PUF60: variants seen among roughly 807,000 people sequenced by gnomAD.
PUF60 encodes poly(U) binding splicing factor 60.
In PUF60, 10 loss-of-function variants were observed where a neutral mutation model predicts 61.8. That is an observed-to-expected ratio of 0.16 (90% CI 0.10 to 0.27). The LOEUF (loss-of-function observed/expected upper bound fraction) is 0.27, where lower values mean the gene tolerates loss of function less well. Ranked by LOEUF, PUF60 falls within the 10% of genes least tolerant of loss-of-function variation. The pLI is 1.00. For synonymous variants in PUF60, 353 were observed against 300.9 expected, an observed-to-expected ratio of 1.17 and a Z score of -1.79; for missense variants, 371 against 754.0, an observed-to-expected ratio of 0.49 and a Z score of 5.95.
At position 143,817,364 on chromosome 8, in the gene PUF60, C is replaced by T; in HGVS notation, c.1111G>A (p.Val371Ile). Residue 371 changes from valine to isoleucine, a missense_variant, in exon 10 of 12, where the codon GTC becomes ATC. This residue lies in a region of PUF60 where 31 missense variants were observed against 61.6 expected (regional missense o/e 0.50). Coordinates refer to ENST00000526683, the MANE Select transcript of PUF60 (RefSeq NM_078480.3). This position sits in a 1 kb window ranked among gnomAD's most constrained non-coding sequence, Gnocchi z 7.4. ...ACTCCAGGTGCCTGGGCAGCCATGA[C>T]AGCCTGGGGCAAAGTGCCCAGGGGC... ...AQPLGTLPQA[V>I]MAAQAPGVIT... 1 of 1,593,656 alleles carries T rather than the reference C, an allele frequency of 6.3e-7. No individual in the cohort carries two copies.
chr8:143,826,501 G>C (rs1817652114), intron 1 of PUF60, among the ~76,000 whole-genome samples: 2 of 152,228 alleles, frequency 1.3e-5, no homozygotes, highest in Admixed American at 6.5e-5. Context: ...GATTGCTTGA[G>C]GTCAGGAGTT....
chr8:143,828,906 C>T (rs1554648955), intron 1 of PUF60: 1 of 985,806 alleles, frequency 1.0e-6, no homozygotes, highest in African/African-American at 1.7e-5. Context: ...CGCGTCACCC[C>T]CAGAACCCCG....
At chr8:143,828,141 G>C (rs991250072) in intron 1 of PUF60, among the ~76,000 whole-genome samples, 1 of 152,200 alleles carries the variant, frequency 6.6e-6, no homozygotes, top group Non-Finnish European at 1.5e-5. Context: ...GGCTGCCCTC[G>C]CAAGCTGGGT....
chr8:143,816,422 G>A lies in PUF60; in HGVS notation c.*98C>T, dbSNP rs543924601. On this transcript the variant is annotated 3_prime_UTR_variant, in exon 12 of 12. Transcript: ENST00000526683. The stretch of plus-strand genomic sequence containing the variant: ...CACCTTTATCCGCACTGTAGGCTGG[G>A]CTGGGCAGAGCGCGCCTGGCCCCGG... 5 of 1,355,868 alleles carry A rather than the reference G, an allele frequency of 3.7e-6. No homozygotes were observed. The highest frequency in any genetic ancestry group is 2.4e-5 in the East Asian group (1 of 41,722). The allele number at this position is 1,355,868 out of a possible 1,614,324, so 84.0% of individuals were successfully genotyped here.
intron 5 of PUF60, among the ~76,000 whole-genome samples, chr8:143,819,229 G>A (rs1816737740): frequency 6.6e-6 from 1 of 152,126 alleles, no homozygotes; most frequent in Admixed American, 6.5e-5. Flanking sequence ...GGCACCATGA[G>A]GTAGCAGAGA....
intron 4 of PUF60, chr8:143,821,277 G>A (rs969009201): frequency 1.7e-5 from 9 of 530,936 alleles, no homozygotes; most frequent in Non-Finnish European, 3.1e-5. Flanking sequence ...ACCATCGGCT[G>A]TGCACAGCTG....
intron 1 of PUF60, among the ~76,000 whole-genome samples, chr8:143,825,811 A>G (rs1236349128): frequency 2.0e-5 from 3 of 152,222 alleles, no homozygotes; most frequent in Non-Finnish European, 4.4e-5. Context: ...CTTCACGACC[A>G]GTCTCCAGAT....
intron 1 of PUF60, among the ~76,000 whole-genome samples, chr8:143,828,423 G>C (rs939184552): frequency 6.6e-6 from 1 of 152,236 alleles, no homozygotes; most frequent in Non-Finnish European, 1.5e-5. Context: ...AAGCTAAGTG[G>C]TGAGAAGGAA....
intron 2 of PUF60, among the ~76,000 whole-genome samples, chr8:143,824,042 A>T (rs1027256207): frequency 1.4e-4 from 22 of 152,230 alleles, no homozygotes; most frequent in African/African-American, 4.3e-4. Context: ...GCCCAGCCAG[A>T]CTGTCAACAG....
chr8:143,821,205 G>A lies in PUF60; in HGVS notation c.297+392C>T, dbSNP rs367782484. ...GGTGGTCTGGACTCACTGCAGGGGT[G>A]AGGGCCTGAGCAGTCTTATCCAGGC... On this transcript the variant is annotated intron_variant, in intron 4 of 11. Transcript: ENST00000526683. 84 of 415,542 alleles carry A rather than the reference G, an allele frequency of 2.0e-4. No individual in the cohort carries two copies. The East Asian group carries it at 4.0e-3, about 20-fold the overall frequency. 25.7% of individuals were successfully genotyped at this position (415,542 alleles called of 1,614,324 possible). A position where few individuals can be genotyped will look rare whatever the true frequency, so the allele number is the denominator to read the frequency against.
chr8:143,824,271 C>A, intron 2 of PUF60, 42 bp downstream of exon 2: 1 of 1,463,816 alleles, frequency 6.8e-7, no homozygotes, highest in Non-Finnish European at 9.1e-7. Context: ...GGCGGGCGGG[C>A]AGGCGGGCGG....
At chr8:143,824,452 G>T in intron 1 of PUF60, 53 bp from the exon 2 acceptor site, 1 of 1,568,082 alleles carries the variant, frequency 6.4e-7, no homozygotes, top group Non-Finnish European at 8.7e-7. Context: ...CCACCGCCCA[G>T]GCCTGCTCTC....
intron 1 of PUF60, among the ~76,000 whole-genome samples, chr8:143,825,444 C>G (rs1817533867): frequency 6.6e-6 from 1 of 152,194 alleles, no homozygotes; most frequent in Admixed American, 6.5e-5. Flanking sequence ...CAGCCCCACG[C>G]TGCCTAAACA....
intron 2 of PUF60, among the ~76,000 whole-genome samples, chr8:143,822,307 C>A (rs1030246211): frequency 1.3e-5 from 2 of 152,192 alleles, no homozygotes; most frequent in African/African-American, 4.8e-5. Context: ...AAAAGGGCCA[C>A]GGCTCTCTGG....
intron 2 of PUF60, chr8:143,822,875 T>C: frequency 3.2e-6 from 1 of 314,204 alleles, no homozygotes; most frequent in Non-Finnish European, 6.4e-6. Flanking sequence ...AACCGGGCCC[T>C]CCGAGACTTC....
At chr8:143,821,544 A>C in intron 4 of PUF60, 53 bp downstream of exon 4, 48 of 1,391,688 alleles carry the variant, frequency 3.4e-5, no homozygotes, top group Non-Finnish European at 4.2e-5. Context: ...CGTGAAGAGG[A>C]GGAGATGGTG....
In PUF60 at chr8:143,821,621, C is replaced by T. The variant is rs1268326820; in HGVS notation, c.273G>A (p.Gln91=). The change falls in exon 4 of 12, where the codon CAG becomes CAA. Residue 91 remains glutamine, a synonymous_variant. Coordinates refer to ENST00000526683, the MANE Select transcript of PUF60 (RefSeq NM_078480.3). ...SVLVKQTIAH[Q]QQQLTNLQMA... ...CCTGCAGGTTGGTGAGCTGCTGCTG[C>T]TGGTGCGCGATGGTCTGCTTCACCA... 2 of 1,544,920 alleles carry T rather than the reference C, an allele frequency of 1.3e-6. No homozygotes were observed. Among genetic ancestry groups the T allele is most frequent in the African/African-American group, 1.4e-5 (1 of 72,988 alleles).
chr8:143,829,044 G>A, intron 1 of PUF60: 1 of 1,009,672 alleles, frequency 9.9e-7, no homozygotes, highest in Non-Finnish European at 1.2e-6. Context: ...CCGCGCCCAG[G>A]CCCCCGCCCC....
At chr8:143,825,806 C>T (rs901435588) in intron 1 of PUF60, among the ~76,000 whole-genome samples, 1 of 152,242 alleles carries the variant, frequency 6.6e-6, no homozygotes, top group African/African-American at 2.4e-5. Flanking sequence ...GATCACTTCA[C>T]GACCAGTCTC....
Sources: allele counts gnomAD v4.1 joint callset (sites outside exome capture counted in the v4.1 genomes callset), GRCh38; gene constraint gnomAD v4.1.1; regional missense constraint gnomAD v4.1.1; non-coding constraint Gnocchi (gnomAD v3.1); transcripts MANE v1.5; gene names NCBI Gene and HGNC (gene_info 2026-07-23, HGNC 2026-07-21).